Variants in ZC3H12B observed in about 807,000 individuals in gnomAD.
ZC3H12B encodes the protein probable ribonuclease ZC3H12B.
A neutral mutation model predicts 43.9 loss-of-function variants in ZC3H12B; 7 were observed. The observed-to-expected ratio is 0.16, with a 90% CI of 0.09 to 0.30. The LOEUF is 0.30. Ranked by LOEUF, ZC3H12B falls within the 10% of genes least tolerant of loss-of-function variation. The probability of loss-of-function intolerance (pLI) is 1.00; values close to 1 mark genes in which losing one functional copy is unlikely to be tolerated. For missense variants in ZC3H12B, 475 were observed against 670.2 expected (o/e 0.71, Z 3.22); for synonymous variants, 222 against 241.7 (o/e 0.92, Z 0.76).
the ZC3H12B span, among the ~76,000 whole-genome samples, chrX:65,319,612 A>G: frequency 9.0e-6 from 1 of 111,493 alleles, no homozygotes; most frequent in African/African-American, 3.3e-5. Flanking sequence ...TGGCAGAGAC[A>G]CACACAAAAA....
At chrX:65,491,485 T>A in intron 1 of ZC3H12B, among the ~76,000 whole-genome samples, 1 of 110,712 alleles carries the variant, frequency 9.0e-6, no homozygotes, top group Non-Finnish European at 1.9e-5. Context: ...GGTGGGAGGA[T>A]CGCTTGAGCC....
the ZC3H12B span, chrX:65,271,822 G>A: frequency 6.4e-6 from 1 of 156,821 alleles, no homozygotes; most frequent in Non-Finnish European, 1.3e-5. Context: ...GAGTTGAAAA[G>A]GCTAAAATTG....
chrX:65,143,555 G>T, the ZC3H12B span, among the ~76,000 whole-genome samples: 3 of 107,623 alleles, frequency 2.8e-5, no homozygotes, highest in South Asian at 8.3e-4. Flanking sequence ...TGATCATGGT[G>T]AATTATCTTT....
At chrX:65,341,125 C>G in the ZC3H12B span, among the ~76,000 whole-genome samples, 3 of 111,477 alleles carry the variant, frequency 2.7e-5, no homozygotes, top group Non-Finnish European at 5.7e-5. Flanking sequence ...TGAAGACTGG[C>G]TTTCTGAAAT....
chrX:65,228,342 A>C, the ZC3H12B span, among the ~76,000 whole-genome samples: 1 of 111,733 alleles, frequency 8.9e-6, no homozygotes, highest in Non-Finnish European at 1.9e-5. Context: ...AACACTTCAT[A>C]CTAAAAACTC....
chrX:65,263,245 A>C, the ZC3H12B span, among the ~76,000 whole-genome samples: 2 of 111,607 alleles, frequency 1.8e-5, no homozygotes, highest in Non-Finnish European at 3.8e-5. Context: ...AGACTAACAG[A>C]AGCAACACAT....
At chrX:65,404,411 T>C (rs1483770277) in intron 3 of ZC3H12B, among the ~76,000 whole-genome samples, 2 of 111,305 alleles carry the variant, frequency 1.8e-5, no homozygotes, top group African/African-American at 6.5e-5. Flanking sequence ...TCGAAATAAA[T>C]AGAGTGGCTG....
At chrX:65,409,591 C>T (rs939992280) in intron 3 of ZC3H12B, among the ~76,000 whole-genome samples, 10 of 110,041 alleles carry the variant, frequency 9.1e-5, no homozygotes, top group African/African-American at 3.0e-4. Context: ...CACACACACA[C>T]ACACACAATT....
the ZC3H12B span, among the ~76,000 whole-genome samples, chrX:65,320,566 A>G: frequency 8.9e-6 from 1 of 112,306 alleles, no homozygotes; most frequent in African/African-American, 3.2e-5. Context: ...ATTTGTGTGG[A>G]ACCAAAAAAA....
chrX:65,171,352 T>C, the ZC3H12B span, among the ~76,000 whole-genome samples: 1 of 111,183 alleles, frequency 9.0e-6, no homozygotes, highest in South Asian at 3.8e-4. Flanking sequence ...GGCTGCAGAA[T>C]AGCAAATATT....
At chrX:65,091,758 G>T in the ZC3H12B span, among the ~76,000 whole-genome samples, 1 of 112,178 alleles carries the variant, frequency 8.9e-6, no homozygotes, top group Non-Finnish European at 1.9e-5. Flanking sequence ...CCGGTTTGTA[G>T]TTAGGAAGGT....
the ZC3H12B span, among the ~76,000 whole-genome samples, chrX:65,214,997 A>G: frequency 8.9e-6 from 1 of 111,759 alleles, no homozygotes; most frequent in South Asian, 3.8e-4. Context: ...TGCATTGTCA[A>G]TGAGCAGTAA....
the ZC3H12B span, among the ~76,000 whole-genome samples, chrX:65,084,662 A>G: frequency 3.5e-5 from 4 of 112,876 alleles, no homozygotes; most frequent in Admixed American, 1.9e-4. Flanking sequence ...GTTGGTGGGA[A>G]CATAAGTTAT....
chrX:65,089,566 C>T, the ZC3H12B span, among the ~76,000 whole-genome samples: 4 of 111,210 alleles, frequency 3.6e-5, no homozygotes, highest in Non-Finnish European at 5.7e-5. Context: ...TACACTTAAG[C>T]TATACTAAAT....
the ZC3H12B span, among the ~76,000 whole-genome samples, chrX:65,121,045 T>C: frequency 5.4e-5 from 6 of 111,232 alleles, no homozygotes; most frequent in South Asian, 2.3e-3. Context: ...TGCAGGATTC[T>C]TTTTGCCAGT....
At chrX:65,473,463 A>G (rs1402767247) in intron 3 of ZC3H12B, among the ~76,000 whole-genome samples, 1 of 112,443 alleles carries the variant, frequency 8.9e-6, no homozygotes, top group African/African-American at 3.2e-5. Context: ...GGATTTTGAT[A>G]GAGATTACGT....
the ZC3H12B span, among the ~76,000 whole-genome samples, chrX:65,265,541 G>A: frequency 8.9e-6 from 1 of 111,776 alleles, no homozygotes; most frequent in South Asian, 3.8e-4. Flanking sequence ...CATGAGAAAG[G>A]GAAAGGCTTA....
chrX:65,452,457 G>A (rs923916721), intron 3 of ZC3H12B, among the ~76,000 whole-genome samples: 27 of 109,522 alleles, frequency 2.5e-4, no homozygotes, highest in Non-Finnish European at 3.4e-4. Context: ...AAAAACACTT[G>A]GGAATATACC....
chrX:65,132,077 A>G, the ZC3H12B span, among the ~76,000 whole-genome samples: 1 of 111,668 alleles, frequency 9.0e-6, no homozygotes, highest in South Asian at 3.8e-4. Flanking sequence ...CAGTCCAGGT[A>G]AAAGCAAAGA....
Sources: gnomAD v4.1 joint callset for allele counts (sites outside exome capture counted in the v4.1 genomes callset) on GRCh38, gnomAD v4.1.1 for gene constraint, MANE v1.5 for transcripts, NCBI Gene and HGNC (gene_info 2026-07-23, HGNC 2026-07-21) for gene names.